PPP2R1B: variants seen among roughly 807,000 people sequenced by gnomAD.
PPP2R1B encodes protein phosphatase 2 scaffold subunit Abeta, also known as serine/threonine-protein phosphatase 2A 65 kDa regulatory subunit A beta isoform.
PPP2R1B carries 58 observed loss-of-function variants against 72.7 expected under a neutral mutation model. The observed-to-expected ratio is 0.80, with a 90% CI of 0.65 to 0.99. The LOEUF is 0.99. Ranked by LOEUF, PPP2R1B falls within the 50% of genes least tolerant of loss-of-function variation. PPP2R1B has a pLI of 0.00. For synonymous variants in PPP2R1B, 256 were observed against 264.6 expected, an observed-to-expected ratio of 0.97 and a Z score of 0.32; for missense variants, 695 against 733.6, an observed-to-expected ratio of 0.95 and a Z score of 0.61.
At chr11:111,704,879 C>T in the PPP2R1B span, 2 of 1,313,336 alleles carry the variant, frequency 1.5e-6, no homozygotes, top group Non-Finnish European at 2.1e-6. Context: ...TGTTTTTCAC[C>T]CTATTTTTAA....
rs868346254 is a variant in PPP2R1B at position 111,738,661 on chromosome 11, G to A, written c.*2935C>T. ...TATTTCTGTGAGCTGAGGGCAGCCC[G>A]TTATTTCAACAAGACCTCGTTAGAA... On this transcript the variant is annotated 3_prime_UTR_variant, in exon 15 of 15. Coordinates refer to ENST00000527614, the MANE Select transcript of PPP2R1B (RefSeq NM_002716.5). 6 of 985,394 alleles carry A rather than the reference G, an allele frequency of 6.1e-6. No individual in the cohort carries two copies. Among genetic ancestry groups the A allele is most frequent in the Middle Eastern group, 5.2e-4 (1 of 1,914 alleles). The allele number at this position is 985,394 out of a possible 1,614,324, so 61.0% of individuals were successfully genotyped here.
chr11:111,719,357 T>C, the PPP2R1B span, among the ~76,000 whole-genome samples: 663 of 2,298 alleles, frequency 0.29, 9 homozygotes, highest in African/African-American at 0.31. Flanking sequence ...TGACTACCCC[T>C]TTTTTTTTTT....
At chr11:111,754,462 T>A (rs1555048906) in intron 8 of PPP2R1B, 37 bp downstream of exon 8, 1 of 1,582,714 alleles carries the variant, frequency 6.3e-7, no homozygotes, top group Admixed American at 2.0e-5. Context: ...TTTACCTTCA[T>A]ATAAAAGAGA....
chr11:111,719,020 C>T, the PPP2R1B span, among the ~76,000 whole-genome samples: 206 of 152,246 alleles, frequency 1.4e-3, no homozygotes, highest in Non-Finnish European at 2.1e-3. Flanking sequence ...TGCGCTCACC[C>T]CTGTGGGATA....
At chr11:111,719,313 T>C in the PPP2R1B span, among the ~76,000 whole-genome samples, 2 of 149,222 alleles carry the variant, frequency 1.3e-5, no homozygotes, top group African/African-American at 4.9e-5. Context: ...AACCTTCCAT[T>C]ATGTTTATGG....
intron 12 of PPP2R1B, among the ~76,000 whole-genome samples, chr11:111,742,968 A>AACCTCTG (rs1944579293): frequency 6.6e-6 from 1 of 150,834 alleles, no homozygotes; most frequent in South Asian, 2.1e-4. Context: ...CAACCTCTGC[A>AACCTCTG]CCCTCTGCCC....
At chr11:111,705,029 T>G in the PPP2R1B span, 4 of 1,609,352 alleles carry the variant, frequency 2.5e-6, no homozygotes, top group Non-Finnish European at 2.5e-6. The surrounding 1 kb of genome is among the most constrained non-coding windows in gnomAD (Gnocchi z 4.3). Context: ...TGCCATTTAT[T>G]TCTTGTTGGT....
At chr11:111,761,908 C>T (rs1945342810) in intron 3 of PPP2R1B, among the ~76,000 whole-genome samples, 1 of 151,992 alleles carries the variant, frequency 6.6e-6, no homozygotes, top group African/African-American at 2.4e-5. Context: ...TGCAGTGAGC[C>T]GAGATTGTGC....
At chr11:111,744,042 C>A (rs1378080091) in intron 11 of PPP2R1B, among the ~76,000 whole-genome samples, 1 of 152,046 alleles carries the variant, frequency 6.6e-6, no homozygotes, top group African/African-American at 2.4e-5. Flanking sequence ...TGGAGAGAAG[C>A]GGGGAGGAAT....
chr11:111,755,590 C>CA, intron 5 of PPP2R1B, 140 bp from the exon 6 acceptor site: 2 of 450,694 alleles, frequency 4.4e-6, no homozygotes, highest in Non-Finnish European at 7.0e-6. Context: ...ACATCTTTTT[C>CA]TTTTTTTTTT....
In PPP2R1B at chr11:111,739,740, T is replaced by A; in HGVS notation, c.*1856A>T. 1 of 982,524 alleles carries A rather than the reference T, an allele frequency of 1.0e-6. No individual in the cohort carries two copies. The highest frequency in any genetic ancestry group is 4.7e-5 in the South Asian group (1 of 21,216). The allele number at this position is 982,524 out of a possible 1,614,324, so 60.9% of individuals were successfully genotyped here. ...ATATGAAATTCAATGAAGAAGAACA[T>A]AACTTGCAGGTAACAAAAAATAAAG... is the stretch of plus-strand genomic sequence containing the variant. On this transcript the variant is annotated 3_prime_UTR_variant, in exon 15 of 15. Transcript: ENST00000527614.
At chr11:111,699,292 T>A in the PPP2R1B span, among the ~76,000 whole-genome samples, 1 of 152,214 alleles carries the variant, frequency 6.6e-6, no homozygotes, top group South Asian at 2.1e-4. Flanking sequence ...TTTTCTCTCC[T>A]AAACCTTGAA....
chr11:111,721,829 G>T, the PPP2R1B span: 1 of 1,605,102 alleles, frequency 6.2e-7, no homozygotes, highest in Non-Finnish European at 8.5e-7. Context: ...TTGCTCCTCA[G>T]GAAGAAGTTT....
downstream of PPP2R1B, among the ~76,000 whole-genome samples, chr11:111,736,475 C>T (rs1032395956): frequency 3.9e-5 from 6 of 152,180 alleles, no homozygotes; most frequent in Admixed American, 3.9e-4. Context: ...TCCCTGAGGC[C>T]CAGTTCTGTG....
At chr11:111,748,864 T>G (rs1411924789) in intron 10 of PPP2R1B, among the ~76,000 whole-genome samples, 3 of 152,170 alleles carry the variant, frequency 2.0e-5, no homozygotes, top group Non-Finnish European at 2.9e-5. Context: ...TTTTTTTTTT[T>G]GAGATGGAGT....
chr11:111,766,069 G>A (rs572154942), intron 1 of PPP2R1B, 179 bp downstream of exon 1: 12 of 640,006 alleles, frequency 1.9e-5, no homozygotes, highest in Non-Finnish European at 3.0e-5. Flanking sequence ...AGGTACCCGG[G>A]AGGGTCGGGG....
the PPP2R1B span, among the ~76,000 whole-genome samples, chr11:111,721,658 G>A: frequency 6.6e-6 from 1 of 152,174 alleles, no homozygotes; most frequent in Non-Finnish European, 1.5e-5. Context: ...ATGCATAAAT[G>A]TTCTGCAGAG....
the PPP2R1B span, chr11:111,720,626 G>T: frequency 1.2e-6 from 2 of 1,614,058 alleles, no homozygotes. Flanking sequence ...CACCCCGCAT[G>T]ACATCTCCCT....
At chr11:111,723,817 G>A (rs577646320), downstream of PPP2R1B, 463 of 1,613,012 alleles carry the variant, frequency 2.9e-4, 10 homozygotes, top group South Asian at 4.6e-3. Context: ...AGCAGCAGCC[G>A]CCACCGCCAC....
Sources: gnomAD v4.1 joint callset for allele counts (sites outside exome capture counted in the v4.1 genomes callset) on GRCh38, gnomAD v4.1.1 for gene constraint, Gnocchi (gnomAD v3.1) non-coding constraint, MANE v1.5 for transcripts, NCBI Gene and HGNC (gene_info 2026-07-23, HGNC 2026-07-21) for gene names.